The following LNPEP variants were observed in gnomAD, a reference collection of about 807,000 sequenced individuals.
The protein encoded by LNPEP is leucyl-cystinyl aminopeptidase.
In LNPEP, 64 loss-of-function variants were observed where a neutral mutation model predicts 120.6. That is an observed-to-expected ratio of 0.53 (90% confidence interval 0.43 to 0.65). The LOEUF (loss-of-function observed/expected upper bound fraction) is 0.65, where lower values mean the gene tolerates loss of function less well. LNPEP is among the 30% of genes least tolerant of loss of function. The pLI is 0.00. For missense variants in LNPEP, 1,057 were observed against 1,200.0 expected (o/e 0.88, Z 1.76); for synonymous variants, 435 against 425.4 (o/e 1.02, Z -0.28).
chr5:97,014,789 A>G (rs1791022457), intron 12 of LNPEP, 150 bp from the exon 13 acceptor site: 1 of 415,946 alleles, frequency 2.4e-6, no homozygotes, highest in African/African-American at 2.0e-5. Flanking sequence ...AGAGATAATC[A>G]TATTTAGCTT....
chr5:97,017,524 C>G (rs1203724712), intron 13 of LNPEP, among the ~76,000 whole-genome samples: 1 of 151,954 alleles, frequency 6.6e-6, no homozygotes, highest in Non-Finnish European at 1.5e-5. Flanking sequence ...ATTCTCTGTT[C>G]TCTTCTGAAA....
chr5:96,991,523 C>T (rs576286100), intron 4 of LNPEP, among the ~76,000 whole-genome samples: 13 of 152,156 alleles, frequency 8.5e-5, no homozygotes, highest in South Asian at 2.1e-4. Flanking sequence ...AAGGTGGTAT[C>T]GCTTTGTGGT....
chr5:97,015,341 G>T (rs1375275831), intron 13 of LNPEP, among the ~76,000 whole-genome samples: 1 of 152,064 alleles, frequency 6.6e-6, no homozygotes, highest in Non-Finnish European at 1.5e-5. Context: ...TCAAAATGAG[G>T]TCACATGAGA....
At position 96,979,940 on chromosome 5, in the gene LNPEP, T is replaced by C; in HGVS notation, c.822T>C (p.Phe274=). Residue 274 remains phenylalanine (F), a synonymous_variant, in exon 2 of 18, where the codon TTT becomes TTC. Transcript: ENST00000231368. ...SANISSSYYG[F]YGFSYTDESN... is the part of the protein sequence containing the mutation. ...ATATATCTAGTTCTTATTATGGGTT[T>C]TATGGCTTCTCCTACACAGATGAAA... is the stretch of plus-strand genomic sequence containing the variant. 6.2e-7 allele frequency: 1 copy of C among 1,610,034 alleles called. No individual in the cohort carries two copies. Among genetic ancestry groups the C allele is most frequent in the Non-Finnish European group, 8.5e-7 (1 of 1,177,186 alleles).
rs1435242108 is a variant in LNPEP, at chr5:96,989,441, ATAT to A, written c.1131+2778_1131+2780del. On this transcript the variant is annotated intron_variant, in intron 4 of 17. Coordinates refer to ENST00000231368, the MANE Select transcript of LNPEP (RefSeq NM_005575.3). Reference sequence around the variant, plus strand: ...ATAATTATATATTATATATTTATATATATTATTATATATTAAGTAAGAAATAGA... The same window carrying A: ...ATAATTATATATTATATATTTATATATATTATATATTAAGTAAGAAATAGA... Among the ~76,000 whole-genome samples, 3 of 139,964 alleles carry A rather than the reference ATAT, an allele frequency of 2.1e-5. No individual in the cohort carries two copies. In the East Asian group the frequency reaches 5.9e-4, roughly 28 times the overall value. 91.8% of individuals were successfully genotyped at this position (139,964 alleles called of 152,430 possible). A position where few individuals can be genotyped will look rare whatever the true frequency, so the allele number is the denominator to read the frequency against.
At chr5:97,027,976 A>T (rs1440058231) in intron 17 of LNPEP, among the ~76,000 whole-genome samples, 162 bp downstream of exon 17, 1 of 152,176 alleles carries the variant, frequency 6.6e-6, no homozygotes, top group Non-Finnish European at 1.5e-5. Flanking sequence ...TTACTTCTAG[A>T]GGGTGGCATA....
chr5:97,022,348 A>G lies in LNPEP; in HGVS notation c.2425A>G (p.Thr809Ala). 2 of 1,613,370 alleles carry G rather than the reference A, an allele frequency of 1.2e-6. No individual in the cohort carries two copies. Among genetic ancestry groups the G allele is most frequent in the Non-Finnish European group, 1.7e-6 (2 of 1,179,638 alleles). ...LQNQIQQQTWTDEGTPSMREL... is the reference protein window; with the variant it reads ...LQNQIQQQTWADEGTPSMREL... ...AAACCAAATTCAACAACAAACTTGG[A>G]CTGATGAGGGCACTCCATCTATGCG... Residue 809 changes from threonine to alanine, a missense_variant, in exon 14 of 18, where the codon ACT (threonine) becomes GCT (alanine). Thr to Ala is a moderately conservative substitution (Grantham distance 58, BLOSUM62 0). Coordinates refer to ENST00000231368, the MANE Select transcript of LNPEP (RefSeq NM_005575.3).
intron 10 of LNPEP, 72 bp downstream of exon 10, chr5:97,006,305 AT>A: frequency 7.1e-7 from 1 of 1,407,438 alleles, no homozygotes; most frequent in Non-Finnish European, 9.9e-7. Flanking sequence ...GTGTTTTATA[AT>A]CATAAGTTCT....
At chr5:97,021,078 T>C (rs1217203167) in intron 13 of LNPEP, among the ~76,000 whole-genome samples, 1 of 152,182 alleles carries the variant, frequency 6.6e-6, no homozygotes, top group Non-Finnish European at 1.5e-5. Flanking sequence ...ATGGACTAGA[T>C]TGGATGATAT....
At chr5:97,002,125 G>A (rs1790668618) in intron 8 of LNPEP, among the ~76,000 whole-genome samples, 1 of 152,128 alleles carries the variant, frequency 6.6e-6, no homozygotes, top group African/African-American at 2.4e-5. Context: ...GGTGACAAGA[G>A]TGAGACTTCA....
intron 8 of LNPEP, among the ~76,000 whole-genome samples, chr5:97,002,890 T>A (rs1031203318): frequency 6.6e-6 from 1 of 152,164 alleles, no homozygotes; most frequent in Non-Finnish European, 1.5e-5. Flanking sequence ...GCATTTGAAG[T>A]GACTCTGCAG....
chr5:97,024,120 CTG>C (rs1791279981), intron 14 of LNPEP, among the ~76,000 whole-genome samples: 3 of 152,306 alleles, frequency 2.0e-5, no homozygotes, highest in East Asian at 1.9e-4. Context: ...AGGCAGTAGA[CTG>C]TGTTTTCTCC....
intron 1 of LNPEP, among the ~76,000 whole-genome samples, chr5:96,945,894 A>C (rs1180484565): frequency 6.6e-6 from 1 of 152,238 alleles, no homozygotes; most frequent in Non-Finnish European, 1.5e-5. Flanking sequence ...AGGAGAACTC[A>C]ATCTTGAGAG....
At chr5:96,952,921 G>A (rs1435198767) in intron 1 of LNPEP, among the ~76,000 whole-genome samples, 1 of 151,418 alleles carries the variant, frequency 6.6e-6, no homozygotes, top group East Asian at 1.9e-4. Context: ...TACTTTTCTT[G>A]ATCTCTGGAC....
chr5:96,979,067 G>A, intron 1 of LNPEP, 71 bp from the exon 2 acceptor site: 1 of 1,497,636 alleles, frequency 6.7e-7, no homozygotes, highest in Non-Finnish European at 8.9e-7. Flanking sequence ...CTAGGTAGAA[G>A]ACATGTTATT....
intron 11 of LNPEP, chr5:97,010,695 A>T (rs1251721575): frequency 1.9e-5 from 19 of 985,232 alleles, no homozygotes; most frequent in Non-Finnish European, 2.3e-5. Flanking sequence ...GCCATTTAAT[A>T]TTGCAGTTGC....
At chr5:96,997,559 C>A (rs537855966) in intron 7 of LNPEP, among the ~76,000 whole-genome samples, 1 of 151,858 alleles carries the variant, frequency 6.6e-6, no homozygotes, top group African/African-American at 2.4e-5. Context: ...TATTTAAAAC[C>A]GACCTCAGGT....
At position 97,004,378 on chromosome 5, in the gene LNPEP, G is replaced by A. The variant is rs535648821; in HGVS notation, c.1785+832G>A. ...AAATACAAAAATTAGCCAACGTGGT[G>A]GCACATGCCTGTAGTCTCAGCTACT... On this transcript the variant is annotated intron_variant, in intron 9 of 17. Transcript: ENST00000231368. Among the ~76,000 whole-genome samples, 23 of 152,252 alleles carry A rather than the reference G, an allele frequency of 1.5e-4. 1 individual carries two copies. The East Asian group carries it at 4.3e-3, about 28-fold the overall frequency.
intron 11 of LNPEP, chr5:97,010,882 C>T (rs1439508437): frequency 2.0e-6 from 2 of 985,244 alleles, no homozygotes; most frequent in Non-Finnish European, 2.4e-6. Context: ...GTCCACCATT[C>T]TGGATCATTC....
Sources: allele counts gnomAD v4.1 joint callset (sites outside exome capture counted in the v4.1 genomes callset), GRCh38; gene constraint gnomAD v4.1.1; transcripts MANE v1.5; gene names NCBI Gene and HGNC (gene_info 2026-07-23, HGNC 2026-07-21).